Variants in ZMYND8 observed in about 807,000 individuals in gnomAD.
ZMYND8 encodes the protein MYND-type zinc finger-containing chromatin reader ZMYND8.
Under a neutral mutation model 140.8 loss-of-function variants are expected in ZMYND8, and 37 were observed. The ratio of observed to expected loss-of-function variants is 0.26; its 90% CI spans 0.20 to 0.35. ZMYND8 has a LOEUF of 0.35. ZMYND8 is among the 10% of genes least tolerant of loss of function. The pLI is 1.00. For synonymous variants in ZMYND8, 592 were observed against 597.1 expected, an observed-to-expected ratio of 0.99 and a Z score of 0.12; for missense variants, 1,068 against 1,570.0, an observed-to-expected ratio of 0.68 and a Z score of 5.40.
At chr20:47,350,472 T>G (rs895551221) in intron 1 of ZMYND8, among the ~76,000 whole-genome samples, 1 of 151,992 alleles carries the variant, frequency 6.6e-6, no homozygotes, top group African/African-American at 2.4e-5. Flanking sequence ...TGTGTGTGTT[T>G]TTTTTTGATT....
At position 47,272,551 on chromosome 20, in the gene ZMYND8, T is replaced by C. The variant is rs191099094; in HGVS notation, c.1480+3763A>G. Among the ~76,000 whole-genome samples, 216 of 152,268 alleles carry C rather than the reference T, an allele frequency of 1.4e-3. 3 individuals carry two copies. The highest frequency in any genetic ancestry group is 4.9e-3 in the African/African-American group (205 of 41,534). On this transcript the variant is annotated intron_variant, in intron 11 of 22. Transcript: ENST00000471951. ...AGGTAACCATTCTGGCCAGGAGGTC[T>C]ATATAAAGGGGAAACTACAAAAATC...
intron 9 of ZMYND8, 113 bp from the exon 10 acceptor site, chr20:47,282,330 A>G: frequency 1.2e-6 from 1 of 867,322 alleles, no homozygotes; most frequent in African/African-American, 1.7e-5. Context: ...CATGAGTGGA[A>G]AAAGAGTTTC....
At chr20:47,348,815 A>T (rs534096833) in intron 1 of ZMYND8, 11 of 152,348 alleles carry the variant, frequency 7.2e-5, no homozygotes, top group Middle Eastern at 3.4e-3. Flanking sequence ...CCAAAGGGAA[A>T]AAATAGAGTT....
At chr20:47,261,550 TATCATCATCATCATC>T (rs10563094) in intron 12 of ZMYND8, among the ~76,000 whole-genome samples, 17,816 of 118,614 alleles carry the variant, frequency 0.15, 1,201 homozygotes, top group South Asian at 0.34. Context: ...AAAAAACAGT[TATCATCATCATCATC>T]ATCATCATCA....
chr20:47,211,301 G>A (rs1408462379), intron 22 of ZMYND8, among the ~76,000 whole-genome samples: 1 of 152,180 alleles, frequency 6.6e-6, no homozygotes, highest in African/African-American at 2.4e-5. Flanking sequence ...AATTTGGCAT[G>A]CAGTCTACTT....
chr20:47,300,204 C>T (rs1415331320), intron 3 of ZMYND8, among the ~76,000 whole-genome samples: 2 of 152,168 alleles, frequency 1.3e-5, no homozygotes, highest in Non-Finnish European at 2.9e-5. Flanking sequence ...AGGAAGTACA[C>T]ATGTAAGTCC....
At chr20:47,232,358 C>A (rs1408102638) in intron 16 of ZMYND8, among the ~76,000 whole-genome samples, 2 of 146,080 alleles carry the variant, frequency 1.4e-5, no homozygotes, top group Non-Finnish European at 2.9e-5. Context: ...AAGAGTGAGA[C>A]CTTGTCTCAA....
intron 2 of ZMYND8, among the ~76,000 whole-genome samples, chr20:47,335,554 A>C (rs1449883617): frequency 6.6e-6 from 1 of 152,194 alleles, no homozygotes; most frequent in African/African-American, 2.4e-5. Flanking sequence ...CAGATCTCTA[A>C]AAGGCCTCAG....
At chr20:47,237,165 G>GAC (rs58903144) in intron 15 of ZMYND8, 19,619 of 135,240 alleles carry the variant, frequency 0.15, 2,436 homozygotes, top group African/African-American at 0.35. Context: ...TTTTTTTTTT[G>GAC]ACAGTCTCAC....
At chr20:47,339,153 T>C (rs2081625609) in intron 2 of ZMYND8, among the ~76,000 whole-genome samples, 1 of 151,872 alleles carries the variant, frequency 6.6e-6, no homozygotes, top group African/African-American at 2.4e-5. Flanking sequence ...TTTGTATTTT[T>C]AGTAGAGACG....
intron 10 of ZMYND8, among the ~76,000 whole-genome samples, chr20:47,279,926 C>G (rs997177588): frequency 6.6e-6 from 1 of 152,046 alleles, no homozygotes; most frequent in African/African-American, 2.4e-5. Context: ...AGTTCAAGAC[C>G]AGCCTGGGCA....
At chr20:47,275,657 C>T (rs2076212622) in intron 11 of ZMYND8, among the ~76,000 whole-genome samples, 2 of 152,128 alleles carry the variant, frequency 1.3e-5, no homozygotes, top group South Asian at 4.1e-4. Flanking sequence ...GGCTGGAATA[C>T]AACAGCGCAA....
At chr20:47,324,039 A>C (rs991568766) in intron 2 of ZMYND8, among the ~76,000 whole-genome samples, 1 of 151,678 alleles carries the variant, frequency 6.6e-6, no homozygotes, top group Non-Finnish European at 1.5e-5. Flanking sequence ...TCTCCACTAC[A>C]AATACAAAAA....
chr20:47,300,791 T>C (rs1430899580), intron 3 of ZMYND8, among the ~76,000 whole-genome samples: 1 of 152,080 alleles, frequency 6.6e-6, no homozygotes, highest in Non-Finnish European at 1.5e-5. Flanking sequence ...CTCACCTCAC[T>C]GCAACCTCCA....
rs1431365463 is a variant in ZMYND8, at chr20:47,308,342, C to T, written c.234+1714G>A. ...CAAGCAATTCTCGTGCCTCAGCCTC[C>T]CGAGTAGCTGGGATTACAGGCATGT... On this transcript the variant is annotated intron_variant, in intron 3 of 22. Transcript: ENST00000471951. Among the ~76,000 whole-genome samples the T allele has an allele frequency of 2.0e-5, 3 of 151,528 alleles. No homozygotes were observed. The East Asian group carries it at 6.0e-4, about 30-fold the overall frequency.
At chr20:47,329,357 A>T (rs2080741309) in intron 2 of ZMYND8, among the ~76,000 whole-genome samples, 1 of 152,112 alleles carries the variant, frequency 6.6e-6, no homozygotes, top group Admixed American at 6.5e-5. Context: ...GCTGTCAGAC[A>T]CTTGACACGT....
At chr20:47,230,186 T>G (rs1200377304) in intron 16 of ZMYND8, among the ~76,000 whole-genome samples, 4 of 152,184 alleles carry the variant, frequency 2.6e-5, no homozygotes, top group Admixed American at 6.5e-5. Flanking sequence ...TGCCACTTCA[T>G]AACCATAAAG....
At chr20:47,236,549 T>A in intron 15 of ZMYND8, 33 bp from the exon 16 acceptor site, 3 of 1,521,014 alleles carry the variant, frequency 2.0e-6, no homozygotes, top group Non-Finnish European at 2.6e-6. Context: ...TTACCCCACG[T>A]GGGAAGGACC....
chr20:47,246,518 C>A lies in ZMYND8; in HGVS notation c.1775-1G>T. Reference sequence around the variant, plus strand: ...ACATCTTCCGAGATTTCATTTATGCCTAAATTCAAAAAGAAAACCCAGCAT... The same window carrying A: ...ACATCTTCCGAGATTTCATTTATGCATAAATTCAAAAAGAAAACCCAGCAT... On this transcript the variant is annotated splice_acceptor_variant, in intron 13 of 22. Transcript: ENST00000471951. LOFTEE classifies it high-confidence loss of function. 6.4e-7 allele frequency: 1 copy of A among 1,560,956 alleles called. No individual in the cohort carries two copies. Among genetic ancestry groups the A allele is most frequent in the Non-Finnish European group, 8.6e-7 (1 of 1,157,808 alleles).
Sources: allele counts gnomAD v4.1 joint callset (sites outside exome capture counted in the v4.1 genomes callset), GRCh38; gene constraint gnomAD v4.1.1; transcripts MANE v1.5; gene names NCBI Gene and HGNC (gene_info 2026-07-23, HGNC 2026-07-21).